The following IQSEC3 variants were observed in gnomAD, a reference collection of about 807,000 sequenced individuals.
IQSEC3 encodes IQ motif and Sec7 domain ArfGEF 3, also known as IQ motif and SEC7 domain-containing protein 3.
In IQSEC3, 50 loss-of-function variants were observed where a neutral mutation model predicts 105.4. That is an observed-to-expected ratio of 0.47 (90% CI 0.38 to 0.60). The LOEUF is 0.60. Among genes scored for constraint, IQSEC3 ranks in the 20% least tolerant of loss-of-function variants. The probability of loss-of-function intolerance (pLI) is 0.00; values close to 1 mark genes in which losing one functional copy is unlikely to be tolerated. For synonymous variants in IQSEC3, 708 were observed against 746.0 expected (o/e 0.95, Z 0.83); for missense variants, 1,415 against 1,630.0 (o/e 0.87, Z 2.27).
At chr12:154,111 G>A (rs1307760680) in intron 5 of IQSEC3, among the ~76,000 whole-genome samples, 1 of 152,200 alleles carries the variant, frequency 6.6e-6, no homozygotes, top group Non-Finnish European at 1.5e-5. Context: ...CACGAGGGGT[G>A]TATTCAACTC....
intron 5 of IQSEC3, among the ~76,000 whole-genome samples, chr12:155,397 G>A (rs1652696919): frequency 6.6e-6 from 1 of 152,246 alleles, no homozygotes; most frequent in African/African-American, 2.4e-5. Flanking sequence ...CTCATAGCCT[G>A]AAGATGGCCA....
intron 1 of IQSEC3, among the ~76,000 whole-genome samples, chr12:90,341 C>A (rs1213151802): frequency 6.6e-6 from 1 of 152,160 alleles, no homozygotes; most frequent in Admixed American, 6.5e-5. Flanking sequence ...TCAATGAAGG[C>A]TAACTTAGCA....
chr12:84,811 G>A (rs1863863561), intron 1 of IQSEC3, among the ~76,000 whole-genome samples: 1 of 152,128 alleles, frequency 6.6e-6, no homozygotes, highest in African/African-American at 2.4e-5. Context: ...GGATTGGCTG[G>A]GTAGGTTTTG....
intron 2 of IQSEC3, among the ~76,000 whole-genome samples, chr12:102,606 C>T (rs1041110962): frequency 6.6e-6 from 1 of 152,196 alleles, no homozygotes; most frequent in Non-Finnish European, 1.5e-5. Context: ...CTCACCCCTC[C>T]CGAAGAGGCA....
chr12:80,043 T>C (rs1863692705), intron 1 of IQSEC3, among the ~76,000 whole-genome samples: 1 of 152,220 alleles, frequency 6.6e-6, no homozygotes, highest in Non-Finnish European at 1.5e-5. Context: ...ACTGTATGGC[T>C]GTGAAGCTAG....
In IQSEC3 at chr12:175,124, C is replaced by T. The variant is rs558967179; in HGVS notation, c.*91C>T. 26 of 992,366 alleles carry T rather than the reference C, an allele frequency of 2.6e-5. No homozygotes were observed. The highest frequency in any genetic ancestry group is 1.5e-4 in the African/African-American group (9 of 61,286). 61.5% of individuals were successfully genotyped at this position (992,366 alleles called of 1,614,324 possible). On this transcript the variant is annotated 3_prime_UTR_variant, in exon 14 of 14. Coordinates refer to ENST00000538872, the MANE Select transcript of IQSEC3 (RefSeq NM_001170738.2). ...CTGCTCCCCATACCCTGGCACGATG[C>T]GTTCCTGGTCACTGATCACCATCAT...
chr12:121,324 G>A lies in IQSEC3; in HGVS notation c.624-4309G>A, dbSNP rs1683941453. 2.0e-5 allele frequency among the ~76,000 whole-genome samples: 3 copies of A among 152,224 alleles called. No individual in the cohort carries two copies. In the South Asian group the frequency reaches 6.2e-4, roughly 32 times the overall value. Reference sequence around the variant, plus strand: ...GGTCCTTCCACTATGACAGCCTAAGGTGAAGATTCCAGCCTCTTCCTCAGA... The same window carrying A: ...GGTCCTTCCACTATGACAGCCTAAGATGAAGATTCCAGCCTCTTCCTCAGA... On this transcript the variant is annotated intron_variant, in intron 2 of 13. Coordinates refer to ENST00000538872, the MANE Select transcript of IQSEC3 (RefSeq NM_001170738.2).
intron 1 of IQSEC3, among the ~76,000 whole-genome samples, chr12:89,428 T>C (rs1228352055): frequency 6.6e-6 from 1 of 152,106 alleles, no homozygotes; most frequent in Non-Finnish European, 1.5e-5. Flanking sequence ...AGGAAAAGAT[T>C]TTGGTCTTTT....
chr12:71,110 C>G (rs3864932), intron 1 of IQSEC3, among the ~76,000 whole-genome samples: 4 of 152,392 alleles, frequency 2.6e-5, no homozygotes, highest in South Asian at 2.1e-4. Flanking sequence ...TGAGCTCCCT[C>G]TTCTCATTCT....
At chr12:131,001 CCCCCCAG>C (rs1555084854) in intron 3 of IQSEC3, among the ~76,000 whole-genome samples, 1 of 48,886 alleles carries the variant, frequency 2.0e-5, no homozygotes, top group Non-Finnish European at 4.2e-5. Context: ...CAGCACTGTG[CCCCCCAG>C]CTAGCGGCTC....
chr12:126,544 GGTGTGTGTGT>G (rs56871643), intron 3 of IQSEC3, among the ~76,000 whole-genome samples: 11 of 145,732 alleles, frequency 7.5e-5, no homozygotes, highest in Non-Finnish European at 1.4e-4. Flanking sequence ...CTTGATGGAA[GGTGTGTGTGT>G]GTGTGTGTGT....
intron 2 of IQSEC3, among the ~76,000 whole-genome samples, chr12:104,596 G>A (rs1352006806): frequency 6.6e-6 from 1 of 152,024 alleles, no homozygotes; most frequent in African/African-American, 2.4e-5. Context: ...TTTCCCACTT[G>A]GCGAGGCGTA....
At chr12:132,605 G>C (rs1440046435) in intron 3 of IQSEC3, among the ~76,000 whole-genome samples, 2 of 152,110 alleles carry the variant, frequency 1.3e-5, no homozygotes, top group African/African-American at 2.4e-5. Flanking sequence ...TATAGGGGTG[G>C]GGGGTCCCAG....
intron 3 of IQSEC3, among the ~76,000 whole-genome samples, chr12:127,481 A>G (rs1311443516): frequency 6.6e-6 from 1 of 152,080 alleles, no homozygotes; most frequent in Non-Finnish European, 1.5e-5. Context: ...GCACCACAGC[A>G]CTCCAGCCTG....
intron 2 of IQSEC3, among the ~76,000 whole-genome samples, chr12:113,156 T>C (rs1297263953): frequency 5.3e-5 from 8 of 152,146 alleles, no homozygotes; most frequent in African/African-American, 1.9e-4. Flanking sequence ...TTGGATGCAG[T>C]TTCTTGCACT....
At chr12:125,434 G>A (rs1268717930) in intron 2 of IQSEC3, among the ~76,000 whole-genome samples, 199 bp from the exon 3 acceptor site, 1 of 152,002 alleles carries the variant, frequency 6.6e-6, no homozygotes, top group Non-Finnish European at 1.5e-5. Flanking sequence ...TGCCTCCCCA[G>A]GTGCGGGTTC....
rs751665421 is a variant in IQSEC3, at chr12:174,840, C to T, written c.3356C>T (p.Ser1119Phe). 7 of 1,580,504 alleles carry T rather than the reference C, an allele frequency of 4.4e-6. No homozygotes were observed. In the Admixed American group the frequency reaches 1.2e-4, roughly 27 times the overall value. The part of the protein sequence containing the change: ...RMEPLLSQAL[S>F]CYTSSSSDSC... ...GAGCCCCTGCTGAGCCAGGCTCTCT[C>T]CTGCTACACCTCGTCGTCCTCTGAC... Residue 1119 changes from serine to phenylalanine, a missense_variant, in exon 14 of 14, where the codon TCC becomes TTC. Around this residue, in one of 6 missense-constraint regions of IQSEC3, gnomAD observed 419 missense variants for 436.2 expected, o/e 0.96. Coordinates refer to ENST00000538872, the MANE Select transcript of IQSEC3 (RefSeq NM_001170738.2).
chr12:144,416 CA>C (rs1555090367), intron 5 of IQSEC3: 1 of 152,176 alleles, frequency 6.6e-6, no homozygotes, highest in African/African-American at 2.4e-5. Context: ...TCATTCTGTA[CA>C]AAGCTGTTTG....
intron 3 of IQSEC3, among the ~76,000 whole-genome samples, chr12:136,039 TG>T (rs1865752909): frequency 6.6e-6 from 1 of 152,250 alleles, no homozygotes; most frequent in Non-Finnish European, 1.5e-5. Flanking sequence ...ACACTTGGTG[TG>T]GTTTAGAGCA....
Sources: gnomAD v4.1 joint callset for allele counts (sites outside exome capture counted in the v4.1 genomes callset) on GRCh38, gnomAD v4.1.1 for gene constraint, gnomAD v4.1.1 regional missense constraint, MANE v1.5 for transcripts, NCBI Gene and HGNC (gene_info 2026-07-23, HGNC 2026-07-21) for gene names.